DIPK1A: variants seen among roughly 807,000 people sequenced by gnomAD.
The protein encoded by DIPK1A is family with sequence similarity 69 member A.
A neutral mutation model predicts 40.8 loss-of-function variants in DIPK1A; 27 were observed. That is an observed-to-expected ratio of 0.66 (90% confidence interval 0.49 to 0.91). DIPK1A has a LOEUF of 0.91. Ranked by LOEUF, DIPK1A falls within the 40% of genes least tolerant of loss-of-function variation. DIPK1A has a pLI of 0.00. For synonymous variants in DIPK1A, 166 were observed against 171.3 expected (o/e 0.97, Z 0.24); for missense variants, 412 against 505.7 (o/e 0.81, Z 1.78).
intron 4 of DIPK1A, among the ~76,000 whole-genome samples, chr1:92,834,604 C>T (rs558799905): frequency 1.3e-5 from 2 of 152,310 alleles, no homozygotes; most frequent in Non-Finnish European, 2.9e-5. Flanking sequence ...TTGGGTATTC[C>T]TCTTTGACTT....
chr1:92,918,958 C>T (rs942403828), intron 1 of DIPK1A, among the ~76,000 whole-genome samples: 1 of 152,286 alleles, frequency 6.6e-6, no homozygotes, highest in South Asian at 2.1e-4. Context: ...GGAGCTCAGA[C>T]AGTAATGCTG....
At chr1:92,868,861 G>A (rs1045968431) in intron 2 of DIPK1A, among the ~76,000 whole-genome samples, 1 of 151,720 alleles carries the variant, frequency 6.6e-6, no homozygotes, top group Non-Finnish European at 1.5e-5. Context: ...AGCTGCTTGG[G>A]AGGCTGAGGC....
chr1:92,839,983 A>AG (rs762641250), downstream of DIPK1A, among the ~76,000 whole-genome samples: 7 of 150,364 alleles, frequency 4.7e-5, no homozygotes, highest in Non-Finnish European at 1.0e-4. Flanking sequence ...CTGGGGTTAT[A>AG]GGTGTGCACC....
intron 4 of DIPK1A, among the ~76,000 whole-genome samples, chr1:92,846,841 ATGTGTG>A (rs796637155): frequency 0.24 from 493 of 2,044 alleles, 159 homozygotes; most frequent in East Asian, 0.67. Context: ...ATATATATAT[ATGTGTG>A]TATATATATA....
downstream of DIPK1A, among the ~76,000 whole-genome samples, chr1:92,838,866 G>C (rs561839167): frequency 6.6e-6 from 1 of 152,270 alleles, no homozygotes; most frequent in South Asian, 2.1e-4. Context: ...AGGTAGTTGA[G>C]GTTTCAAATG....
At chr1:92,854,187 A>G (rs1171366958) in intron 2 of DIPK1A, among the ~76,000 whole-genome samples, 1 of 152,100 alleles carries the variant, frequency 6.6e-6, no homozygotes, top group Non-Finnish European at 1.5e-5. Context: ...GTGCCTGCCA[A>G]TAAAAACTGT....
intron 1 of DIPK1A, among the ~76,000 whole-genome samples, chr1:92,877,898 C>T (rs1648199661): frequency 6.6e-6 from 1 of 152,138 alleles, no homozygotes; most frequent in South Asian, 2.1e-4. Flanking sequence ...GACATAATGC[C>T]TATAAAACAT....
intron 4 of DIPK1A, among the ~76,000 whole-genome samples, chr1:92,846,847 G>A (rs376722207): frequency 0.088 from 30 of 342 alleles, 5 homozygotes; most frequent in African/African-American, 0.15. Context: ...ATATATGTGT[G>A]TATATATATA....
intron 1 of DIPK1A, among the ~76,000 whole-genome samples, chr1:92,885,367 T>C (rs1283551872): frequency 6.6e-6 from 1 of 152,112 alleles, no homozygotes; most frequent in East Asian, 1.9e-4. Context: ...GGAAAGTGAC[T>C]ATCTAATTCA....
intron 1 of DIPK1A, among the ~76,000 whole-genome samples, chr1:92,952,793 A>G (rs1008356677): frequency 6.6e-6 from 1 of 152,054 alleles, no homozygotes; most frequent in African/African-American, 2.4e-5. Flanking sequence ...ACAGGATCCA[A>G]TGAAAGGTAC....
At chr1:92,959,280 G>A (rs1341105833) in intron 1 of DIPK1A, among the ~76,000 whole-genome samples, 1 of 151,766 alleles carries the variant, frequency 6.6e-6, no homozygotes, top group African/African-American at 2.4e-5. Context: ...AAGGAGACCC[G>A]TCTCTAAATA....
intron 1 of DIPK1A, among the ~76,000 whole-genome samples, chr1:92,951,840 A>T (rs1025290492): frequency 2.6e-5 from 4 of 151,946 alleles, no homozygotes; most frequent in South Asian, 4.2e-4. Context: ...CTTATACCCT[A>T]TACCTACCTA....
intron 2 of DIPK1A, among the ~76,000 whole-genome samples, chr1:92,873,600 G>A (rs1557463573): frequency 6.9e-6 from 1 of 143,984 alleles, no homozygotes; most frequent in Non-Finnish European, 1.5e-5. Context: ...GGGTGACAGA[G>A]CAAAACTCTG....
chr1:92,887,044 C>T (rs746700607), intron 1 of DIPK1A, among the ~76,000 whole-genome samples: 1 of 152,018 alleles, frequency 6.6e-6, no homozygotes, highest in Non-Finnish European at 1.5e-5. Flanking sequence ...CTCACCTTCC[C>T]TGCCTCATTG....
exon 5 of DIPK1A, chr1:92,832,991 G>A (rs1372449490): frequency 2.7e-6 from 2 of 735,282 alleles, no homozygotes; most frequent in South Asian, 2.9e-5. Context: ...TTGCTGTCTG[G>A]AGCAGTGCTT....
intron 2 of DIPK1A, among the ~76,000 whole-genome samples, chr1:92,861,915 G>A (rs1647292795): frequency 6.6e-6 from 1 of 152,116 alleles, no homozygotes. Flanking sequence ...AAGTAGCTGG[G>A]ACTATAGGCA....
At chr1:92,862,423 A>T (rs1407677424) in intron 2 of DIPK1A, among the ~76,000 whole-genome samples, 1 of 152,150 alleles carries the variant, frequency 6.6e-6, no homozygotes, top group Non-Finnish European at 1.5e-5. Context: ...TGTTCTTCCC[A>T]ATTTCCCCAA....
At position 92,855,324 on chromosome 1, in the gene DIPK1A, A is replaced by G. The variant is rs149023721; in HGVS notation, c.190-4369T>C. ...TTCCAAATTTAAACGCAATGACGAA[A>G]AAACCAAGATACTGAATATAAATAA... is the stretch of plus-strand genomic sequence containing the variant. On this transcript the variant is annotated intron_variant, in intron 2 of 4. Transcript: ENST00000370310. Among the ~76,000 whole-genome samples the G allele has an allele frequency of 1.6e-3, 250 of 152,244 alleles. 4 individuals carry two copies. Among genetic ancestry groups the G allele is most frequent in the Non-Finnish European group, 3.0e-3 (201 of 68,024 alleles).
intron 1 of DIPK1A, among the ~76,000 whole-genome samples, chr1:92,924,972 T>A (rs1390385625): frequency 6.6e-6 from 1 of 152,268 alleles, no homozygotes; most frequent in Non-Finnish European, 1.5e-5. Context: ...ATCAGATTGA[T>A]GAAACTATCT....
Sources: gnomAD v4.1 joint callset for allele counts (sites outside exome capture counted in the v4.1 genomes callset) on GRCh38, gnomAD v4.1.1 for gene constraint, MANE v1.5 for transcripts, NCBI Gene and HGNC (gene_info 2026-07-23, HGNC 2026-07-21) for gene names.